PNPT1: variants seen among roughly 807,000 people sequenced by gnomAD.
PNPT1 encodes polyribonucleotide nucleotidyltransferase 1, mitochondrial.
In PNPT1, 53 loss-of-function variants were observed where a neutral mutation model predicts 119.5. The ratio of observed to expected loss-of-function variants is 0.44; its 90% CI spans 0.36 to 0.56. PNPT1 has a LOEUF of 0.56. PNPT1 is among the 20% of genes least tolerant of loss of function. The pLI is 0.00. For missense variants in PNPT1, 948 were observed against 938.5 expected (o/e 1.01, Z -0.13); for synonymous variants, 357 against 322.1 (o/e 1.11, Z -1.16).
chr2:55,647,651 C>A (rs1488761144), intron 18 of PNPT1, among the ~76,000 whole-genome samples, 198 bp from the exon 19 acceptor site: 1 of 151,896 alleles, frequency 6.6e-6, no homozygotes, highest in African/African-American at 2.4e-5. Flanking sequence ...TCCCCTATAG[C>A]TGGGATTATA....
At chr2:55,671,565 C>A (rs1049887656) in intron 10 of PNPT1, among the ~76,000 whole-genome samples, 189 bp from the exon 11 acceptor site, 1 of 152,182 alleles carries the variant, frequency 6.6e-6, no homozygotes, top group Non-Finnish European at 1.5e-5. Context: ...TTTGTACACT[C>A]CCCTAAAACT....
intron 1 of PNPT1, among the ~76,000 whole-genome samples, chr2:55,689,213 G>C (rs1314097664): frequency 1.3e-5 from 2 of 152,238 alleles, no homozygotes; most frequent in South Asian, 2.1e-4. Context: ...TTAATATCTA[G>C]AATATTTAAA....
chr2:55,639,612 A>G (rs1695780369), intron 26 of PNPT1, among the ~76,000 whole-genome samples: 1 of 152,136 alleles, frequency 6.6e-6, no homozygotes, highest in South Asian at 2.1e-4. Context: ...TTTTCTATTG[A>G]TATTCATCAT....
intron 8 of PNPT1, among the ~76,000 whole-genome samples, chr2:55,674,220 G>C (rs1696996789): frequency 6.6e-6 from 1 of 152,174 alleles, no homozygotes; most frequent in Non-Finnish European, 1.5e-5. Context: ...GCTAAAGGAA[G>C]TTTTCTAAAC....
intron 22 of PNPT1, 148 bp from the exon 23 acceptor site, chr2:55,644,868 TTACTGAA>T: frequency 2.0e-6 from 1 of 489,618 alleles, no homozygotes; most frequent in Non-Finnish European, 3.6e-6. Context: ...ATGATTAAAA[TTACTGAA>T]AACTGTTAAA....
intron 4 of PNPT1, among the ~76,000 whole-genome samples, 189 bp downstream of exon 4, chr2:55,684,754 T>C (rs759696026): frequency 7.9e-5 from 12 of 152,248 alleles, no homozygotes; most frequent in Non-Finnish European, 1.6e-4. Flanking sequence ...GATTCAACCC[T>C]GAAGAAATAA....
chr2:55,682,292 T>C (rs888836216), intron 5 of PNPT1, among the ~76,000 whole-genome samples: 6 of 151,166 alleles, frequency 4.0e-5, no homozygotes, highest in Non-Finnish European at 1.5e-5. Flanking sequence ...ACCCCATCTC[T>C]ATTAAAAACA....
At chr2:55,666,340 C>A (rs898423090) in intron 13 of PNPT1, among the ~76,000 whole-genome samples, 1 of 152,072 alleles carries the variant, frequency 6.6e-6, no homozygotes, top group Non-Finnish European at 1.5e-5. Context: ...ATTATTGCAA[C>A]CTCGAACTCC....
At chr2:55,669,677 C>T (rs1696844087) in intron 11 of PNPT1, among the ~76,000 whole-genome samples, 1 of 151,700 alleles carries the variant, frequency 6.6e-6, no homozygotes, top group Admixed American at 6.6e-5. Context: ...TCTTTCTTAC[C>T]AAATAGGATG....
At position 55,673,236 on chromosome 2, in the gene PNPT1, C is replaced by CA. The variant is rs1462336132; in HGVS notation, c.680-158dup. Among the ~76,000 whole-genome samples the CA allele has an allele frequency of 1.4e-4, 21 of 151,848 alleles. No homozygotes were observed. The East Asian group carries it at 3.9e-3, about 28-fold the overall frequency. ...TCTTTCCTCAGAATCAACATACTTC[C>CA]AAAATGTAAGCAGCGGTAAATGAAT... is the stretch of plus-strand genomic sequence containing the variant. On this transcript the variant is annotated intron_variant, in intron 8 of 27. Coordinates refer to ENST00000447944, the MANE Select transcript of PNPT1 (RefSeq NM_033109.5).
intron 5 of PNPT1, 118 bp downstream of exon 5, chr2:55,683,667 A>C: frequency 1.1e-6 from 1 of 906,998 alleles, no homozygotes; most frequent in Non-Finnish European, 1.7e-6. Context: ...TGTAAAATAT[A>C]ACAGTATCAT....
At chr2:55,661,299 G>A (rs1250083764) in intron 14 of PNPT1, among the ~76,000 whole-genome samples, 1 of 151,822 alleles carries the variant, frequency 6.6e-6, no homozygotes, top group East Asian at 1.9e-4. Flanking sequence ...CACCGTTTTA[G>A]CCAGGATAGT....
chr2:55,679,577 T>G lies in PNPT1; in HGVS notation c.679+105A>C, dbSNP rs1048946701. On this transcript the variant is annotated intron_variant, in intron 8 of 27. Transcript: ENST00000447944. ...GACAGAGATAAAACATGACAAAAAT[T>G]TTTATGGCTACCGACAAAACATACA... 4 of 771,996 alleles carry G rather than the reference T, an allele frequency of 5.2e-6. No homozygotes were observed. In the African/African-American group the frequency reaches 7.2e-5, roughly 14 times the overall value. The allele number at this position is 771,996 out of a possible 1,614,324, so 47.8% of individuals were successfully genotyped here. A position where few individuals can be genotyped will look rare whatever the true frequency, so the allele number is the denominator to read the frequency against.
intron 25 of PNPT1, among the ~76,000 whole-genome samples, chr2:55,641,846 CTT>C (rs202103021): frequency 2.1e-5 from 3 of 143,062 alleles, no homozygotes; most frequent in Non-Finnish European, 3.1e-5. Context: ...CTGAAATTGG[CTT>C]TTTTTTTTTT....
At chr2:55,666,566 C>T (rs998433625) in intron 13 of PNPT1, among the ~76,000 whole-genome samples, 12 of 152,146 alleles carry the variant, frequency 7.9e-5, no homozygotes, top group Admixed American at 3.3e-4. Flanking sequence ...AAAGGCCAGG[C>T]GTGGTGGCTC....
chr2:55,661,550 G>A (rs1696577074), intron 14 of PNPT1, among the ~76,000 whole-genome samples: 1 of 152,258 alleles, frequency 6.6e-6, no homozygotes, highest in African/African-American at 2.4e-5. Context: ...CTTGGGATTC[G>A]ACAAGGCTTT....
At chr2:55,691,484 T>C (rs1453297873) in intron 1 of PNPT1, among the ~76,000 whole-genome samples, 1 of 152,232 alleles carries the variant, frequency 6.6e-6, no homozygotes, top group Non-Finnish European at 1.5e-5. Flanking sequence ...TATGATATTT[T>C]ATTAGTCTAG....
chr2:55,693,106 T>G (rs1414659947), intron 1 of PNPT1, among the ~76,000 whole-genome samples: 1 of 152,170 alleles, frequency 6.6e-6, no homozygotes, highest in Non-Finnish European at 1.5e-5. Context: ...TCCCAGGTCT[T>G]AAACGAATAT....
chr2:55,640,171 T>G (rs1695793231), intron 26 of PNPT1, among the ~76,000 whole-genome samples: 1 of 152,210 alleles, frequency 6.6e-6, no homozygotes, highest in South Asian at 2.1e-4. Flanking sequence ...TCTTTTTTTT[T>G]TGAGACAAAG....
Sources: gnomAD v4.1 joint callset for allele counts (sites outside exome capture counted in the v4.1 genomes callset) on GRCh38, gnomAD v4.1.1 for gene constraint, MANE v1.5 for transcripts, NCBI Gene and HGNC (gene_info 2026-07-23, HGNC 2026-07-21) for gene names.